SYT1: variants seen among roughly 807,000 people sequenced by gnomAD.
The protein encoded by SYT1 is synaptotagmin-1.
Under a neutral mutation model 44.8 loss-of-function variants are expected in SYT1, and 8 were observed. The ratio of observed to expected loss-of-function variants is 0.18; its 90% confidence interval spans 0.10 to 0.32. The LOEUF (loss-of-function observed/expected upper bound fraction) is 0.32, where lower values mean the gene tolerates loss of function less well. Among genes scored for constraint, SYT1 ranks in the 10% least tolerant of loss-of-function variants. The pLI is 1.00. For missense variants in SYT1, 286 were observed against 509.3 expected (o/e 0.56, Z 4.22); for synonymous variants, 154 against 188.8 (o/e 0.82, Z 1.51).
At chr12:79,160,356 T>C (rs1425442047) in intron 3 of SYT1, among the ~76,000 whole-genome samples, 6 of 152,142 alleles carry the variant, frequency 3.9e-5, no homozygotes, top group Non-Finnish European at 8.8e-5. Context: ...ACTAGAGGTA[T>C]TGATTTTGGA....
intron 1 of SYT1, among the ~76,000 whole-genome samples, chr12:78,927,908 C>T (rs55926234): frequency 6.6e-6 from 1 of 152,102 alleles, no homozygotes; most frequent in Non-Finnish European, 1.5e-5. Context: ...TACTAATTTT[C>T]CCTATGCTTT....
intron 9 of SYT1, among the ~76,000 whole-genome samples, chr12:79,394,204 G>A (rs187844953): frequency 2.6e-5 from 4 of 152,286 alleles, no homozygotes; most frequent in East Asian, 1.9e-4. Context: ...CAGATAGCTC[G>A]GTGATAGCAC....
chr12:79,436,095 T>G (rs970246480), intron 9 of SYT1, among the ~76,000 whole-genome samples: 2 of 152,110 alleles, frequency 1.3e-5, no homozygotes, highest in South Asian at 2.1e-4. Flanking sequence ...GCTAAAAAAT[T>G]AGGGAAAATG....
chr12:79,328,870 CAAAG>C lies in SYT1; in HGVS notation c.811-24628_811-24625del, dbSNP rs1308457478. Among the ~76,000 whole-genome samples, 3 of 151,040 alleles carry C rather than the reference CAAAG, an allele frequency of 2.0e-5. No individual in the cohort carries two copies. The South Asian group carries it at 6.3e-4, about 32-fold the overall frequency. On this transcript the variant is annotated intron_variant, in intron 8 of 10. Transcript: ENST00000261205. ...CAAAAAAAAAAAAAAAAATTACTCACAAAGAAATCATAAAACCATGTTTTTTTCT... is the reference window on the plus strand; with the variant it reads ...CAAAAAAAAAAAAAAAAATTACTCACAAATCATAAAACCATGTTTTTTTCT...
intron 2 of SYT1, among the ~76,000 whole-genome samples, chr12:79,037,925 A>T (rs1217964850): frequency 6.6e-6 from 1 of 151,764 alleles, no homozygotes; most frequent in African/African-American, 2.4e-5. Flanking sequence ...TAAAATAGCC[A>T]CAGTTTCATG....
intron 1 of SYT1, among the ~76,000 whole-genome samples, chr12:78,898,896 A>G (rs759797197): frequency 7.2e-5 from 11 of 152,122 alleles, no homozygotes; most frequent in Non-Finnish European, 1.5e-4. Context: ...AACATGGGAC[A>G]TTTCTTTAAA....
At chr12:78,982,970 C>G (rs1401551613) in intron 2 of SYT1, among the ~76,000 whole-genome samples, 1 of 152,046 alleles carries the variant, frequency 6.6e-6, no homozygotes, top group African/African-American at 2.4e-5. Context: ...ATGGAGACTA[C>G]CTTCTAGTAG....
chr12:78,929,173 G>A (rs1345841460), intron 1 of SYT1, among the ~76,000 whole-genome samples: 3 of 151,536 alleles, frequency 2.0e-5, no homozygotes, highest in Non-Finnish European at 4.4e-5. Flanking sequence ...AGGCTGAGAC[G>A]GGCAGATCAC....
intron 9 of SYT1, among the ~76,000 whole-genome samples, chr12:79,403,368 G>C (rs913616135): frequency 1.3e-5 from 2 of 152,116 alleles, no homozygotes; most frequent in East Asian, 3.9e-4. Flanking sequence ...GAGTAGCCCA[G>C]TAGACTGGAG....
At chr12:79,156,735 G>A (rs1870624049) in intron 3 of SYT1, among the ~76,000 whole-genome samples, 1 of 152,198 alleles carries the variant, frequency 6.6e-6, no homozygotes, top group African/African-American at 2.4e-5. Flanking sequence ...CCAAAGTACT[G>A]GGATTACAGG....
intron 3 of SYT1, among the ~76,000 whole-genome samples, chr12:79,154,819 A>T (rs1565830032): frequency 6.6e-6 from 1 of 152,168 alleles, no homozygotes; most frequent in Non-Finnish European, 1.5e-5. Flanking sequence ...TGGAATCAAC[A>T]TGACAACTAA....
Position 79,437,858 on chromosome 12 carries a change from CAT to C in SYT1, c.929-6214_929-6213del, listed in dbSNP as rs573997789. 7.8e-4 allele frequency among the ~76,000 whole-genome samples: 119 copies of C among 152,248 alleles called. 1 individual carries two copies. The highest frequency in any genetic ancestry group is 2.1e-3 in the African/African-American group (86 of 41,550). ...GGGTGCAGAGAAAAATCCTATCAAA[CAT>C]GTGTTAAAATAATGTCAAATCTGAT... On this transcript the variant is annotated intron_variant, in intron 9 of 10. Transcript: ENST00000261205.
At chr12:78,907,553 G>A (rs1244100401) in intron 1 of SYT1, among the ~76,000 whole-genome samples, 1 of 151,928 alleles carries the variant, frequency 6.6e-6, no homozygotes, top group African/African-American at 2.4e-5. Context: ...ATGATTCTTA[G>A]AGATTTACAT....
chr12:78,974,443 T>A (rs1021568662), intron 1 of SYT1, among the ~76,000 whole-genome samples: 4 of 152,024 alleles, frequency 2.6e-5, no homozygotes, highest in African/African-American at 9.7e-5. Context: ...TATTTATTTA[T>A]CTATTTATTT....
chr12:79,301,658 T>C (rs1306477188), intron 8 of SYT1, among the ~76,000 whole-genome samples: 4 of 152,150 alleles, frequency 2.6e-5, no homozygotes, highest in Non-Finnish European at 5.9e-5. Context: ...TCTTTCCCCA[T>C]TTTGTGTGTT....
intron 9 of SYT1, among the ~76,000 whole-genome samples, chr12:79,442,809 CT>C (rs1870501983): frequency 2.0e-5 from 3 of 152,242 alleles, no homozygotes; most frequent in Admixed American, 1.3e-4. Context: ...AAAGTTTCTC[CT>C]AGCTCTACAT....
At chr12:79,321,969 A>G (rs1881382258) in intron 8 of SYT1, among the ~76,000 whole-genome samples, 1 of 152,196 alleles carries the variant, frequency 6.6e-6, no homozygotes, top group African/African-American at 2.4e-5. Context: ...AGAGGAGAGA[A>G]GCAGAGGCTG....
chr12:79,101,174 A>G lies in SYT1; in HGVS notation c.-18+53812A>G, dbSNP rs376712652. 7.2e-5 allele frequency among the ~76,000 whole-genome samples: 11 copies of G among 152,338 alleles called. 1 individual carries two copies. The East Asian group carries it at 7.7e-4, about 11-fold the overall frequency. ...GCACACTGGCGTTCATAGTACCACT[A>G]TTCACAAGCATCATTCACAAGCCAA... On this transcript the variant is annotated intron_variant, in intron 3 of 10. Coordinates refer to ENST00000261205, the MANE Select transcript of SYT1 (RefSeq NM_005639.3).
chr12:79,009,102 C>G (rs945945189), intron 2 of SYT1, among the ~76,000 whole-genome samples: 1 of 152,036 alleles, frequency 6.6e-6, no homozygotes, highest in Admixed American at 6.6e-5. Flanking sequence ...TTAACTTGCA[C>G]GAAGATACCT....
Sources: allele counts gnomAD v4.1 joint callset (sites outside exome capture counted in the v4.1 genomes callset), GRCh38; gene constraint gnomAD v4.1.1; transcripts MANE v1.5; gene names NCBI Gene and HGNC (gene_info 2026-07-23, HGNC 2026-07-21).